The following RBM19 variants were observed in gnomAD, a reference collection of about 807,000 sequenced individuals.
RBM19 encodes probable RNA-binding protein 19.
Under a neutral mutation model 116.8 loss-of-function variants are expected in RBM19, and 94 were observed. The observed-to-expected ratio is 0.80, with a 90% confidence interval of 0.68 to 0.95. The LOEUF (loss-of-function observed/expected upper bound fraction) is 0.95, where lower values mean the gene tolerates loss of function less well. Ranked by LOEUF, RBM19 falls within the 40% of genes least tolerant of loss-of-function variation. The probability of loss-of-function intolerance (pLI) is 0.00; values close to 1 mark genes in which losing one functional copy is unlikely to be tolerated. For missense variants in RBM19, 1,161 were observed against 1,220.7 expected (o/e 0.95, Z 0.73); for synonymous variants, 475 against 494.1 (o/e 0.96, Z 0.51).
intron 6 of RBM19, among the ~76,000 whole-genome samples, chr12:113,956,568 G>A (rs1434298522): frequency 9.2e-6 from 1 of 108,384 alleles, no homozygotes; most frequent in Non-Finnish European, 1.7e-5. Flanking sequence ...GCGACAGCAA[G>A]ACTGTCTCAA....
chr12:113,871,819 C>A (rs1879224876), intron 21 of RBM19, among the ~76,000 whole-genome samples: 1 of 151,484 alleles, frequency 6.6e-6, no homozygotes, highest in Non-Finnish European at 1.5e-5. Flanking sequence ...TGCCGCCGCG[C>A]CGGCGAGCGC....
chr12:113,927,594 A>C (rs942826107), intron 16 of RBM19, among the ~76,000 whole-genome samples: 4 of 105,076 alleles, frequency 3.8e-5, no homozygotes, highest in Non-Finnish European at 6.0e-5. Flanking sequence ...CAAAAAACAA[A>C]AAAAAAAAAA....
At chr12:113,948,350 A>G (rs1057105247) in intron 10 of RBM19, among the ~76,000 whole-genome samples, 1 of 152,216 alleles carries the variant, frequency 6.6e-6, no homozygotes, top group Non-Finnish European at 1.5e-5. Context: ...AAATAACAGC[A>G]ACAACAACAC....
At chr12:113,873,221 GC>G (rs1738373582) in intron 21 of RBM19, among the ~76,000 whole-genome samples, 1 of 89,586 alleles carries the variant, frequency 1.1e-5, no homozygotes, top group East Asian at 3.2e-4. Flanking sequence ...GACAATGGCG[GC>G]TTTGTGGAAT....
chr12:113,926,033 T>C (rs1869038174), intron 17 of RBM19, among the ~76,000 whole-genome samples: 2 of 152,164 alleles, frequency 1.3e-5, no homozygotes, highest in South Asian at 2.1e-4. Context: ...CTTGGCTCCT[T>C]AAACGCTGCT....
chr12:113,942,253 A>G (rs1441603838), intron 14 of RBM19, 71 bp downstream of exon 14: 2 of 1,296,108 alleles, frequency 1.5e-6, no homozygotes, highest in Non-Finnish European at 2.2e-6. Context: ...ATCCATCTGC[A>G]TCTCCCCTGG....
intron 23 of RBM19, among the ~76,000 whole-genome samples, chr12:113,841,400 C>A (rs1196939973): frequency 2.0e-5 from 3 of 151,836 alleles, no homozygotes; most frequent in Non-Finnish European, 2.9e-5. Flanking sequence ...TTAGTGACGG[C>A]CTGGGACTTT....
At chr12:113,827,686 G>C (rs966159364) in intron 23 of RBM19, among the ~76,000 whole-genome samples, 4 of 152,094 alleles carry the variant, frequency 2.6e-5, no homozygotes, top group Non-Finnish European at 5.9e-5. Context: ...ACAGTCCGGG[G>C]AGGGGAAAAG....
intron 21 of RBM19, among the ~76,000 whole-genome samples, chr12:113,889,631 A>T (rs561961468): frequency 1.3e-5 from 2 of 151,496 alleles, no homozygotes; most frequent in East Asian, 3.9e-4. Context: ...AGTGTCGCTG[A>T]CATTTGTTTT....
At position 113,844,558 on chromosome 12, in the gene RBM19, C is replaced by G. The variant is rs530288070; in HGVS notation, c.2785+110G>C. ...GCCCAGCAGGAGGTGCTTGGCAGCC[C>G]TTGTGCCCATAGCCTGCTGGGTCGA... On this transcript the variant is annotated intron_variant, in intron 23 of 23. Transcript: ENST00000261741. 55 of 1,406,372 alleles carry G rather than the reference C, an allele frequency of 3.9e-5. 2 individuals carry two copies. In the South Asian group the frequency reaches 8.2e-4, roughly 21 times the overall value. 87.1% of individuals were successfully genotyped at this position (1,406,372 alleles called of 1,614,324 possible).
chr12:113,926,921 T>C lies in RBM19; in HGVS notation c.2244+133A>G, dbSNP rs571482821. 158 of 1,027,272 alleles carry C rather than the reference T, an allele frequency of 1.5e-4. 2 individuals are homozygous for C. In the South Asian group the frequency reaches 1.9e-3, roughly 13 times the overall value. 63.6% of individuals were successfully genotyped at this position (1,027,272 alleles called of 1,614,324 possible). A position where few individuals can be genotyped will look rare whatever the true frequency, so the allele number is the denominator to read the frequency against. ...ACCCCAGGGGAAAGGGTCAAGTAGG[T>C]GGTGCTGGTTATTGCTCCCAAGTGC... On this transcript the variant is annotated intron_variant, in intron 17 of 23. Coordinates refer to ENST00000261741, the MANE Select transcript of RBM19 (RefSeq NM_016196.4).
At chr12:113,879,431 T>TATATATATATA (rs1879928070) in intron 21 of RBM19, among the ~76,000 whole-genome samples, 3 of 132,630 alleles carry the variant, frequency 2.3e-5, no homozygotes, top group Non-Finnish European at 3.2e-5. Context: ...TACATACATT[T>TATATATATATA]TATATATATA....
intron 16 of RBM19, 156 bp downstream of exon 16, chr12:113,936,851 T>C: frequency 1.0e-6 from 1 of 967,918 alleles, no homozygotes; most frequent in Non-Finnish European, 1.5e-6. Flanking sequence ...TTACAGGACA[T>C]GCCCATAAAA....
chr12:113,942,348 C>G lies in RBM19; in HGVS notation c.1713G>C (p.Gly571=). 1 of 1,607,770 alleles carries G rather than the reference C, an allele frequency of 6.2e-7. No homozygotes were observed. The highest frequency in any genetic ancestry group is 8.5e-7 in the Non-Finnish European group (1 of 1,179,884). Reference sequence around the variant, plus strand: ...CCTGGCTGAAGGAATCCAGGCTGACCCCGTTGTCTATGAGAAAACGCCGCA... The same window carrying G: ...CCTGGCTGAAGGAATCCAGGCTGACGCCGTTGTCTATGAGAAAACGCCGCA... ...QEVRRFLIDN[G]VSLDSFSQAA... is the part of the protein sequence containing the mutation. Residue 571 remains glycine (G), a synonymous_variant, in exon 14 of 24, where the codon GGG becomes GGC. Transcript: ENST00000261741.
chr12:113,881,668 G>A (rs1353236703), intron 21 of RBM19, among the ~76,000 whole-genome samples: 3 of 152,160 alleles, frequency 2.0e-5, no homozygotes, highest in Non-Finnish European at 4.4e-5. Flanking sequence ...ACGAAACTAC[G>A]GCCAGACAGG....
intron 16 of RBM19, among the ~76,000 whole-genome samples, chr12:113,934,845 TG>T (rs57215534): frequency 0.16 from 24,119 of 151,956 alleles, 2,517 homozygotes; most frequent in African/African-American, 0.3. Context: ...GCCAGAGCCT[TG>T]GGACACAAAG....
chr12:113,915,982 G>C (rs947457999), intron 20 of RBM19, among the ~76,000 whole-genome samples: 4 of 152,074 alleles, frequency 2.6e-5, no homozygotes, highest in Non-Finnish European at 5.9e-5. Flanking sequence ...TTCTCTTCCT[G>C]GCACTGATCC....
intron 10 of RBM19, among the ~76,000 whole-genome samples, chr12:113,947,716 C>A (rs1339909554): frequency 1.3e-5 from 2 of 152,228 alleles, no homozygotes; most frequent in Non-Finnish European, 2.9e-5. Context: ...TAAAACAGCA[C>A]AACAGTACCT....
chr12:113,944,614 A>T (rs1870860341), intron 13 of RBM19, among the ~76,000 whole-genome samples: 1 of 152,102 alleles, frequency 6.6e-6, no homozygotes, highest in Admixed American at 6.6e-5. Context: ...ACTGGGCCAC[A>T]TAGTGAGACC....
Sources: gnomAD v4.1 joint callset for allele counts (sites outside exome capture counted in the v4.1 genomes callset) on GRCh38, gnomAD v4.1.1 for gene constraint, MANE v1.5 for transcripts, NCBI Gene and HGNC (gene_info 2026-07-23, HGNC 2026-07-21) for gene names.